Variants in PHACTR3 observed in about 807,000 individuals in gnomAD.
The protein encoded by PHACTR3 is phosphatase and actin regulator 3.
PHACTR3 carries 16 observed loss-of-function variants against 66.8 expected under a neutral mutation model. The observed-to-expected ratio is 0.24, with a 90% CI of 0.16 to 0.36. The LOEUF (loss-of-function observed/expected upper bound fraction) is 0.36. Among genes scored for constraint, PHACTR3 ranks in the 10% least tolerant of loss-of-function variants. The pLI is 1.00. For missense variants in PHACTR3, 647 were observed against 719.9 expected, an observed-to-expected ratio of 0.90 and a Z score of 1.16; for synonymous variants, 323 against 292.1, an observed-to-expected ratio of 1.11 and a Z score of -1.08.
At chr20:59,653,399 G>A (rs1601014127) in intron 1 of PHACTR3, among the ~76,000 whole-genome samples, 1 of 152,168 alleles carries the variant, frequency 6.6e-6, no homozygotes, top group African/African-American at 2.4e-5. Flanking sequence ...TGGTCAGGCT[G>A]GTCTCGAACT....
chr20:59,693,873 C>T (rs1664856007), intron 1 of PHACTR3, among the ~76,000 whole-genome samples: 1 of 152,184 alleles, frequency 6.6e-6, no homozygotes, highest in Non-Finnish European at 1.5e-5. Flanking sequence ...ATGTACAAAG[C>T]CCCGTTAGTC....
intron 5 of PHACTR3, among the ~76,000 whole-genome samples, chr20:59,768,563 G>A (rs570628735): frequency 4.6e-5 from 7 of 152,310 alleles, no homozygotes; most frequent in Non-Finnish European, 7.3e-5. Flanking sequence ...TCCCCTCTGC[G>A]ATCTCACCTA....
In PHACTR3 at chr20:59,820,002, C is replaced by T. The variant is rs946517863; in HGVS notation, c.1328+13808C>T. 1.7e-4 allele frequency among the ~76,000 whole-genome samples: 26 copies of T among 152,168 alleles called. No homozygotes were observed. The highest frequency in any genetic ancestry group is 3.4e-4 in the Non-Finnish European group (23 of 68,034). On this transcript the variant is annotated intron_variant, in intron 8 of 12. Coordinates refer to ENST00000371015, the MANE Select transcript of PHACTR3 (RefSeq NM_080672.5). The surrounding 1 kb of genome is among the most constrained non-coding windows in gnomAD (Gnocchi z 4.6). ...CTTTTTTTGATGCTGCAGATTTATC[C>T]GACTGACTTTCCCAGCCCTCCAGGG...
At chr20:59,758,772 ACACACGG>A (rs1019739811) in intron 4 of PHACTR3, among the ~76,000 whole-genome samples, 26 of 152,352 alleles carry the variant, frequency 1.7e-4, no homozygotes, top group African/African-American at 6.3e-4. Flanking sequence ...TGGGTTTGAG[ACACACGG>A]CTGAACTCCT....
chr20:59,785,900 CT>C (rs2040897619), intron 7 of PHACTR3, among the ~76,000 whole-genome samples: 1 of 3,752 alleles, frequency 2.7e-4, no homozygotes, highest in South Asian at 0.062. Context: ...TCCAACGGCC[CT>C]CTGCATCCCC....
intron 7 of PHACTR3, among the ~76,000 whole-genome samples, chr20:59,780,179 C>T (rs1447356046): frequency 1.3e-5 from 2 of 152,154 alleles, no homozygotes; most frequent in African/African-American, 2.4e-5. Context: ...GCCTGTGCTG[C>T]TGCTCCTCCT....
intron 1 of PHACTR3, among the ~76,000 whole-genome samples, chr20:59,586,491 T>C (rs1170659160): frequency 6.6e-6 from 1 of 152,190 alleles, no homozygotes; most frequent in Non-Finnish European, 1.5e-5. Context: ...TGCCTTTTCC[T>C]ATAATCCATG....
intron 7 of PHACTR3, among the ~76,000 whole-genome samples, chr20:59,780,981 C>T (rs1183622046): frequency 1.3e-5 from 2 of 152,148 alleles, no homozygotes; most frequent in African/African-American, 4.8e-5. Flanking sequence ...GGTTAAGGAG[C>T]ATATAGGAAC....
Position 59,604,922 on chromosome 20 carries a change from C to T in PHACTR3, c.-93C>T, listed in dbSNP as rs571134234. On this transcript the variant is annotated 5_prime_UTR_variant, in exon 1 of 13. Transcript: ENST00000371015. ...TTTAATTTTCTTTTTTAAAAAGACG[C>T]CCCCTCCAGCCCCCTCGCCGGTGAC... 23,677 of 1,211,282 alleles carry T rather than the reference C, an allele frequency of 0.02. 254 individuals are homozygous for T. Among genetic ancestry groups the T allele is most frequent in the Non-Finnish European group, 0.022 (21,308 of 975,262 alleles). The allele number at this position is 1,211,282 out of a possible 1,614,324, so 75.0% of individuals were successfully genotyped here.
chr20:59,732,156 C>A (rs2038788115), intron 1 of PHACTR3, among the ~76,000 whole-genome samples: 1 of 152,150 alleles, frequency 6.6e-6, no homozygotes. Flanking sequence ...GTACAGACAG[C>A]ATTTTCTAAC....
At chr20:59,580,927 CCT>C (rs2032837788) in intron 1 of PHACTR3, among the ~76,000 whole-genome samples, 1 of 152,234 alleles carries the variant, frequency 6.6e-6, no homozygotes, top group Non-Finnish European at 1.5e-5. Context: ...CTCCAGCTAG[CCT>C]CTCCTTGTCT....
At chr20:59,814,861 G>A (rs1028735463) in intron 8 of PHACTR3, among the ~76,000 whole-genome samples, 14 of 152,110 alleles carry the variant, frequency 9.2e-5, no homozygotes, top group Non-Finnish European at 2.1e-4. Context: ...AGCCTGTGGG[G>A]CCTCCGCGGT....
At chr20:59,707,706 TCCTCCCACCTCAG>T (rs1291962394) in intron 1 of PHACTR3, among the ~76,000 whole-genome samples, 1 of 151,938 alleles carries the variant, frequency 6.6e-6, no homozygotes, top group African/African-American at 2.4e-5. Context: ...CAAAAAACGA[TCCTCCCACCTCAG>T]CCTCCCAAAG....
intron 1 of PHACTR3, among the ~76,000 whole-genome samples, chr20:59,681,608 G>A (rs1473661834): frequency 6.6e-6 from 1 of 152,236 alleles, no homozygotes; most frequent in Non-Finnish European, 1.5e-5. Flanking sequence ...CAGACTGTTA[G>A]GGAGGCTGAG....
chr20:59,786,389 A>G (rs1012751200), intron 7 of PHACTR3, among the ~76,000 whole-genome samples: 3 of 152,106 alleles, frequency 2.0e-5, no homozygotes, highest in African/African-American at 7.2e-5. Flanking sequence ...GAGATTGCCT[A>G]CTCCAAGGCC....
intron 1 of PHACTR3, among the ~76,000 whole-genome samples, chr20:59,640,018 C>T (rs1364039778): frequency 6.6e-6 from 1 of 152,198 alleles, no homozygotes; most frequent in Non-Finnish European, 1.5e-5. Flanking sequence ...AAAACAGGCA[C>T]ACTTCATCCT....
At chr20:59,845,019 A>G (rs961741921) in intron 11 of PHACTR3, 170 bp from the exon 12 acceptor site, 6 of 518,292 alleles carry the variant, frequency 1.2e-5, no homozygotes, top group South Asian at 1.0e-4. Flanking sequence ...TGGTAGGACT[A>G]TAATAATGAG....
intron 1 of PHACTR3, among the ~76,000 whole-genome samples, chr20:59,721,711 C>G (rs968673804): frequency 6.6e-6 from 1 of 151,992 alleles, no homozygotes; most frequent in African/African-American, 2.4e-5. Context: ...GACCAGATTG[C>G]GTGGGGAGGA....
intron 1 of PHACTR3, among the ~76,000 whole-genome samples, chr20:59,612,903 G>A (rs574869485): frequency 3.9e-4 from 60 of 152,192 alleles, no homozygotes; most frequent in Non-Finnish European, 8.1e-4. Context: ...GAAGGCAAAG[G>A]GGGAGCCAGC....
Sources: allele counts gnomAD v4.1 joint callset (sites outside exome capture counted in the v4.1 genomes callset), GRCh38; gene constraint gnomAD v4.1.1; non-coding constraint Gnocchi (gnomAD v3.1); transcripts MANE v1.5; gene names NCBI Gene and HGNC (gene_info 2026-07-23, HGNC 2026-07-21).